Variants in DDX39B observed in about 807,000 individuals in gnomAD.
DDX39B encodes the protein spliceosome RNA helicase DDX39B.
DDX39B carries 6 observed loss-of-function variants against 46.4 expected under a neutral mutation model. That is an observed-to-expected ratio of 0.13 (90% CI 0.07 to 0.26). The LOEUF is 0.26. DDX39B is among the 10% of genes least tolerant of loss of function. The pLI is 1.00. For synonymous variants in DDX39B, 174 were observed against 199.4 expected (o/e 0.87, Z 1.07); for missense variants, 185 against 553.4 (o/e 0.33, Z 6.68).
At chr6:31,538,610 A>G (rs942687256) in intron 4 of DDX39B, among the ~76,000 whole-genome samples, 153 bp downstream of exon 4, 11 of 152,312 alleles carry the variant, frequency 7.2e-5, no homozygotes, top group South Asian at 2.1e-4. Flanking sequence ...CCATAGCCCA[A>G]TTACGAATCC....
Position 31,531,463 on chromosome 6 carries a change from G to T in DDX39B, c.868-58C>A. On this transcript the variant is annotated intron_variant, in intron 7 of 10. Coordinates refer to ENST00000396172, the MANE Select transcript of DDX39B (RefSeq NM_004640.7). This position sits in a 1 kb window ranked among gnomAD's most constrained non-coding sequence, Gnocchi z 5.8. ...GGGGGAATAGGGGTCCATGGTGTGT[G>T]AGAGACATTACGTGGGAGAGGGGAG... 6.7e-7 allele frequency: 1 copy of T among 1,492,510 alleles called. No individual in the cohort carries two copies. The highest frequency in any genetic ancestry group is 9.3e-7 in the Non-Finnish European group (1 of 1,072,936). 92.5% of individuals were successfully genotyped at this position (1,492,510 alleles called of 1,614,324 possible).
chr6:31,535,017 G>A lies in DDX39B; in HGVS notation c.735+350C>T. The A allele has an allele frequency of 2.7e-6, 1 of 365,532 alleles. No homozygotes were observed. Among genetic ancestry groups the A allele is most frequent in the Non-Finnish European group, 5.2e-6 (1 of 191,350 alleles). The allele number at this position is 365,532 out of a possible 1,614,324, so 22.6% of individuals were successfully genotyped here. A position where few individuals can be genotyped will look rare whatever the true frequency, so the allele number is the denominator to read the frequency against. ...CTCGATGCCACCTTGAGGGTGCGTG[G>A]CTGTAGGGTGCATGTAAGAGACGAT... On this transcript the variant is annotated intron_variant, in intron 6 of 10. Coordinates refer to ENST00000396172, the MANE Select transcript of DDX39B (RefSeq NM_004640.7). The surrounding 1 kb of genome is among the most constrained non-coding windows in gnomAD (Gnocchi z 4.6).
At position 31,540,468 on chromosome 6, in the gene DDX39B, G is replaced by C. The variant is rs754842685; in HGVS notation, c.65C>G (p.Ala22Gly). 35 of 1,614,040 alleles carry C rather than the reference G, an allele frequency of 2.2e-5. No homozygotes were observed. Among genetic ancestry groups the C allele is most frequent in the Non-Finnish European group, 2.8e-5 (33 of 1,180,034 alleles). ...AGGGGCCTCAGCCCCATCTCCCCCA[G>C]CTGCTGTCTCCACCTCATCATCTTC... ...DYEDDEVETA[A>G]GGDGAEAPAK... is the part of the protein sequence containing the mutation. Residue 22 changes from alanine to glycine, a missense_variant, in exon 2 of 11, where the codon GCT (alanine) becomes GGT (glycine). Transcript: ENST00000396172.
intron 7 of DDX39B, 151 bp downstream of exon 7, chr6:31,532,629 A>T: frequency 1.1e-6 from 1 of 951,652 alleles, no homozygotes; most frequent in Non-Finnish European, 1.5e-6. Flanking sequence ...CTCCCACCTT[A>T]CTCATGCTCA....
chr6:31,540,996 T>TTAA (rs1167351887), intron 1 of DDX39B: 1 of 441,568 alleles, frequency 2.3e-6, no homozygotes, highest in Non-Finnish European at 4.5e-6. Flanking sequence ...ACTAATAACT[T>TTAA]AGTAAAGTGG....
chr6:31,533,960 C>T (rs1055388), intron 6 of DDX39B: 116,214 of 152,304 alleles, frequency 0.76, 44,698 homozygotes, highest in African/African-American at 0.82. Context: ...GGAAAGGATG[C>T]GTGTGTCATG....
At chr6:31,541,428 G>A (rs141312466) in intron 1 of DDX39B, 15 of 370,370 alleles carry the variant, frequency 4.1e-5, no homozygotes, top group African/African-American at 3.0e-4. Flanking sequence ...ACGCTACGAA[G>A]GTGAGACTCC....
At position 31,539,249 on chromosome 6, in the gene DDX39B, G is replaced by T; in HGVS notation, c.237C>A (p.Ala79=). 6.2e-7 allele frequency: 1 copy of T among 1,613,122 alleles called. No homozygotes were observed. The highest frequency in any genetic ancestry group is 1.1e-5 in the South Asian group (1 of 91,074). The change falls in exon 3 of 11, where the codon GCC becomes GCA. Residue 79 remains alanine, a synonymous_variant. Transcript: ENST00000396172. ...SEVQHECIPQ[A]ILGMDVLCQA... The stretch of plus-strand genomic sequence containing the variant: ...GGCACAGGACATCCATTCCCAGAAT[G>T]GCCTGAGGGATGCACTCATGCTGGA...
chr6:31,532,090 C>T (rs1444575749), intron 7 of DDX39B, among the ~76,000 whole-genome samples: 1 of 152,186 alleles, frequency 6.6e-6, no homozygotes, highest in Non-Finnish European at 1.5e-5. Context: ...CCTCAGCCTC[C>T]CAAAGTACTG....
At chr6:31,541,927 T>A (rs1411198497) in intron 1 of DDX39B, 23 bp downstream of exon 1, 1 of 645,544 alleles carries the variant, frequency 1.5e-6, no homozygotes, top group South Asian at 1.7e-5. Context: ...TGGAAACGGA[T>A]TGTAGCGAAG....
chr6:31,536,274 C>A, intron 5 of DDX39B: 1 of 674,854 alleles, frequency 1.5e-6, no homozygotes, highest in Non-Finnish European at 2.7e-6. Context: ...TTATCAAAGT[C>A]CCCTATTCTC....
At chr6:31,540,821 C>A in intron 1 of DDX39B, 157 bp from the exon 2 acceptor site, 2 of 510,688 alleles carry the variant, frequency 3.9e-6, no homozygotes, top group Non-Finnish European at 7.0e-6. Context: ...TATAACAGAA[C>A]AGAAAAAGCA....
rs768637863 is a variant in DDX39B, at chr6:31,532,893, C to G, written c.754G>C (p.Asp252His). The G allele has an allele frequency of 5.0e-6, 8 of 1,599,190 alleles. No homozygotes were observed. The highest frequency in any genetic ancestry group is 6.8e-6 in the Non-Finnish European group (8 of 1,174,398). The change falls in exon 7 of 11, where the codon GAT (aspartate) becomes CAT (histidine). Residue 252 changes from aspartate to histidine, a missense_variant. By Grantham distance (81) the Asp-to-His change is moderately conservative (BLOSUM62 -1). Transcript: ENST00000396172. ...TGCAGCGTCAACTTCGTCTCATCAT[C>G]CACGAAGATCTCCATTGGCTGGGGG... Reference protein sequence around the residue: ...FMQDPMEIFVDDETKLTLHGL... With the variant: ...FMQDPMEIFVHDETKLTLHGL...
At position 31,536,609 on chromosome 6, in the gene DDX39B, G is replaced by A. The variant is rs778760179; in HGVS notation, c.507C>T (p.Val169=). 46 of 1,613,076 alleles carry A rather than the reference G, an allele frequency of 2.9e-5. 1 individual carries two copies. Among genetic ancestry groups the A allele is most frequent in the African/African-American group, 4.0e-5 (3 of 74,876 alleles). The change falls in exon 5 of 11, where the codon GTC becomes GTT. Residue 169 remains valine (V), a synonymous_variant. Coordinates refer to ENST00000396172, the MANE Select transcript of DDX39B (RefSeq NM_004640.7). Reference sequence around the variant, plus strand: ...CTAGGATACGGCCTGGAGTCCCCACGACGATATGCGGGCAGTTCTTCTTCA... The same window carrying A: ...CTAGGATACGGCCTGGAGTCCCCACAACGATATGCGGGCAGTTCTTCTTCA... ...EVLKKNCPHI[V]VGTPGRILAL...
chr6:31,541,456 A>G (rs879853731), intron 1 of DDX39B: 14 of 373,494 alleles, frequency 3.7e-5, no homozygotes, highest in Non-Finnish European at 7.1e-5. Flanking sequence ...GAAACATACA[A>G]TGACACCAAT....
Position 31,535,307 on chromosome 6 carries a change from G to A in DDX39B, c.735+60C>T, listed in dbSNP as rs772114527. On this transcript the variant is annotated intron_variant, in intron 6 of 10. Coordinates refer to ENST00000396172, the MANE Select transcript of DDX39B (RefSeq NM_004640.7). The surrounding 1 kb of genome is among the most constrained non-coding windows in gnomAD (Gnocchi z 4.6). The stretch of plus-strand genomic sequence containing the variant: ...GACAAGGGAGTCTGAGGAAGAGGGC[G>A]AGGAAGGGGAGGAGGCAGCGGGCGG... The A allele has an allele frequency of 4.0e-6, 6 of 1,510,816 alleles. No homozygotes were observed. The highest frequency in any genetic ancestry group is 1.1e-5 in the South Asian group (1 of 88,938). 93.6% of individuals were successfully genotyped at this position (1,510,816 alleles called of 1,614,324 possible).
Position 31,534,612 on chromosome 6 carries a change from G to A in DDX39B, c.735+755C>T, listed in dbSNP as rs371469914. On this transcript the variant is annotated intron_variant, in intron 6 of 10. Transcript: ENST00000396172. The surrounding 1 kb of genome is among the most constrained non-coding windows in gnomAD (Gnocchi z 5.1). ...TTGGGGGAAACGGGGCACGGCACGCGTTGGGTTCAGGAAAAAAACCGGGAA... is the reference window on the plus strand; with the variant it reads ...TTGGGGGAAACGGGGCACGGCACGCATTGGGTTCAGGAAAAAAACCGGGAA... 1.3e-3 allele frequency: 504 copies of A among 401,480 alleles called. 11 individuals carry two copies. The highest frequency in any genetic ancestry group is 5.8e-3 in the South Asian group (315 of 54,060). The allele number at this position is 401,480 out of a possible 1,614,324, so 24.9% of individuals were successfully genotyped here.
Position 31,531,264 on chromosome 6 carries a change from G to T in DDX39B, c.977+32C>A. The T allele has an allele frequency of 6.2e-7, 1 of 1,614,046 alleles. No individual in the cohort carries two copies. The highest frequency in any genetic ancestry group is 8.5e-7 in the Non-Finnish European group (1 of 1,179,988). ...CTCTCAACTGTCTTTTTCTCCCAAG[G>T]ACACAAAATATCTTTCCCATCTTCA... On this transcript the variant is annotated intron_variant, in intron 8 of 10. Coordinates refer to ENST00000396172, the MANE Select transcript of DDX39B (RefSeq NM_004640.7). The surrounding 1 kb of genome is among the most constrained non-coding windows in gnomAD (Gnocchi z 5.8).
At position 31,536,059 on chromosome 6, in the gene DDX39B, T is replaced by G. The variant is rs1182220195; in HGVS notation, c.616+441A>C. On this transcript the variant is annotated intron_variant, in intron 5 of 10. Coordinates refer to ENST00000396172, the MANE Select transcript of DDX39B (RefSeq NM_004640.7). The stretch of plus-strand genomic sequence containing the variant: ...CCACCTGGCACACTAGAATACCACA[T>G]CACACAAACTGCTACAAACACTCTC... Among the ~76,000 whole-genome samples the G allele has an allele frequency of 2.0e-5, 3 of 152,258 alleles. No individual in the cohort carries two copies. In the East Asian group the frequency reaches 5.8e-4, roughly 29 times the overall value.
Sources: allele counts gnomAD v4.1 joint callset (sites outside exome capture counted in the v4.1 genomes callset), GRCh38; gene constraint gnomAD v4.1.1; non-coding constraint Gnocchi (gnomAD v3.1); transcripts MANE v1.5; gene names NCBI Gene and HGNC (gene_info 2026-07-23, HGNC 2026-07-21).